Variants in SMG6 observed in about 807,000 individuals in gnomAD.
SMG6 encodes the protein SMG6 nonsense mediated mRNA decay factor.
Under a neutral mutation model 142.2 loss-of-function variants are expected in SMG6, and 66 were observed. That is an observed-to-expected ratio of 0.46 (90% confidence interval 0.38 to 0.57). SMG6 has a LOEUF of 0.57. Among genes scored for constraint, SMG6 ranks in the 20% least tolerant of loss-of-function variants. The pLI is 0.00. For synonymous variants in SMG6, 779 were observed against 702.4 expected, an observed-to-expected ratio of 1.11 and a Z score of -1.72; for missense variants, 1,793 against 1,832.0, an observed-to-expected ratio of 0.98 and a Z score of 0.39.
chr17:2,184,858 G>C (rs921585303), intron 12 of SMG6, among the ~76,000 whole-genome samples: 3 of 149,248 alleles, frequency 2.0e-5, no homozygotes, highest in Non-Finnish European at 4.4e-5. Context: ...CCAGCTACTC[G>C]GGAGGCTGAG....
chr17:2,116,327 C>T lies in SMG6; in HGVS notation c.3358-30426G>A, dbSNP rs537338955. On this transcript the variant is annotated intron_variant, in intron 13 of 18. Coordinates refer to ENST00000263073, the MANE Select transcript of SMG6 (RefSeq NM_017575.5). Reference sequence around the variant, plus strand: ...CTCCTGGCCTCAAGGGATCCTCCCGCCTCGGCCTTCCAAAGTGTTGAGATT... The same window carrying T: ...CTCCTGGCCTCAAGGGATCCTCCCGTCTCGGCCTTCCAAAGTGTTGAGATT... 3.9e-4 allele frequency among the ~76,000 whole-genome samples: 60 copies of T among 152,260 alleles called. 1 individual carries two copies. Among genetic ancestry groups the T allele is most frequent in the South Asian group, 1.5e-3 (7 of 4,826 alleles).
chr17:2,184,917 T>G (rs1016554294), intron 12 of SMG6, among the ~76,000 whole-genome samples: 1 of 120,172 alleles, frequency 8.3e-6, no homozygotes, highest in Admixed American at 1.2e-4. Context: ...GCCAAGATTA[T>G]GCCACTGCAC....
At chr17:2,183,786 A>T (rs997450994) in intron 12 of SMG6, among the ~76,000 whole-genome samples, 1 of 122,094 alleles carries the variant, frequency 8.2e-6, no homozygotes, top group Non-Finnish European at 1.7e-5. Flanking sequence ...ACACACACAC[A>T]CACACAGCAG....
intron 13 of SMG6, among the ~76,000 whole-genome samples, chr17:2,131,847 G>A (rs1404410654): frequency 3.3e-5 from 5 of 152,028 alleles, no homozygotes; most frequent in Admixed American, 6.6e-5. Context: ...CAAGGCAGGC[G>A]GACCACTTGA....
At chr17:2,201,826 C>T (rs2072533951) in intron 10 of SMG6, among the ~76,000 whole-genome samples, 1 of 152,042 alleles carries the variant, frequency 6.6e-6, no homozygotes, top group African/African-American at 2.4e-5. Context: ...GAGTTCGAGA[C>T]TAGCCTGGCA....
chr17:2,227,267 C>T (rs1266901366), intron 10 of SMG6, among the ~76,000 whole-genome samples: 1 of 152,182 alleles, frequency 6.6e-6, no homozygotes, highest in African/African-American at 2.4e-5. Context: ...AAAATACTTG[C>T]ATATAAATGT....
At chr17:2,165,752 A>G (rs933999593) in intron 13 of SMG6, among the ~76,000 whole-genome samples, 2 of 152,126 alleles carry the variant, frequency 1.3e-5, no homozygotes, top group Admixed American at 1.3e-4. Context: ...AAAAGTAAAA[A>G]TAATTAGCCA....
At chr17:2,185,661 G>A (rs141521575) in intron 12 of SMG6, among the ~76,000 whole-genome samples, 106 of 152,200 alleles carry the variant, frequency 7.0e-4, no homozygotes, top group African/African-American at 2.5e-3. Context: ...CAGAGACAGG[G>A]GGCGAGGGCA....
In SMG6 at chr17:2,194,973, G is replaced by A. The variant is rs987835369; in HGVS notation, c.2870-6458C>T. 3.3e-5 allele frequency among the ~76,000 whole-genome samples: 5 copies of A among 152,288 alleles called. No individual in the cohort carries two copies. The South Asian group carries it at 6.2e-4, about 19-fold the overall frequency. ...CAGGCTCCCTCCCTCTTGGCTCTGG[G>A]CCAAGTCCTGTCTTTCCAGAACAAA... On this transcript the variant is annotated intron_variant, in intron 10 of 18. Coordinates refer to ENST00000263073, the MANE Select transcript of SMG6 (RefSeq NM_017575.5).
chr17:2,214,917 G>A (rs1036090629), intron 10 of SMG6, among the ~76,000 whole-genome samples: 10 of 152,134 alleles, frequency 6.6e-5, no homozygotes, highest in African/African-American at 2.4e-4. Flanking sequence ...AGGGGTCTGT[G>A]GTTACTTTCT....
chr17:2,232,028 G>A (rs1348361511), intron 10 of SMG6, among the ~76,000 whole-genome samples: 3 of 151,810 alleles, frequency 2.0e-5, no homozygotes, highest in Admixed American at 6.6e-5. Flanking sequence ...TGTGCCTGAA[G>A]TGGTTTTGAT....
At chr17:2,254,171 G>A (rs1237864752) in intron 8 of SMG6, among the ~76,000 whole-genome samples, 1 of 152,154 alleles carries the variant, frequency 6.6e-6, no homozygotes, top group Admixed American at 6.5e-5. Flanking sequence ...TCTCATGCCT[G>A]GGAACTCTCA....
intron 13 of SMG6, among the ~76,000 whole-genome samples, chr17:2,094,151 T>A (rs1007657328): frequency 6.6e-6 from 1 of 152,188 alleles, no homozygotes; most frequent in African/African-American, 2.4e-5. Context: ...AATTGCCTTG[T>A]CCATGAGGTC....
chr17:2,297,286 T>C lies in SMG6; in HGVS notation c.2108A>G (p.Tyr703Cys), dbSNP rs1466665678. ...GCTGCGAATGGCAAGACCATCCATG[T>C]AGTCTTCCAGTTTGAACTTGTAAGT... ...QVTYKFKLED[Y>C]MDGLAIRSKP... Residue 703 changes from tyrosine to cysteine, a missense_variant, in exon 4 of 19, where the codon TAC (tyrosine) becomes TGC (cysteine). This residue lies in a region of SMG6 where 1,597 missense variants were observed against 1,584.6 expected (regional missense o/e 1.01). Coordinates refer to ENST00000263073, the MANE Select transcript of SMG6 (RefSeq NM_017575.5). The C allele has an allele frequency of 1.2e-6, 2 of 1,613,692 alleles. No homozygotes were observed. The highest frequency in any genetic ancestry group is 1.1e-5 in the South Asian group (1 of 90,990).
chr17:2,173,002 T>C, intron 12 of SMG6, 143 bp from the exon 13 acceptor site: 2 of 768,450 alleles, frequency 2.6e-6, no homozygotes, highest in South Asian at 1.7e-5. Flanking sequence ...CCAAAAATGC[T>C]AGGAAACAAA....
At chr17:2,218,121 CACAG>C (rs1383395855) in intron 10 of SMG6, among the ~76,000 whole-genome samples, 1 of 152,134 alleles carries the variant, frequency 6.6e-6, no homozygotes, top group Non-Finnish European at 1.5e-5. Flanking sequence ...CCTGAGCCCC[CACAG>C]ACAGCCTACT....
intron 13 of SMG6, among the ~76,000 whole-genome samples, chr17:2,130,649 T>C (rs1363107981): frequency 3.3e-5 from 5 of 152,038 alleles, no homozygotes; most frequent in African/African-American, 1.2e-4. Context: ...TATGTTGGTA[T>C]ATATTCTTTA....
intron 13 of SMG6, chr17:2,088,898 G>A (rs2232478): frequency 2.1e-6 from 2 of 931,784 alleles, no homozygotes; most frequent in East Asian, 1.2e-4. Context: ...GAGTTCTGTA[G>A]GAGACTTACG....
At chr17:2,065,347 G>C (rs1448060829) in intron 17 of SMG6, 121 bp downstream of exon 17, 2 of 1,052,928 alleles carry the variant, frequency 1.9e-6, no homozygotes, top group Non-Finnish European at 2.8e-6. Flanking sequence ...CCCCCACCTG[G>C]GCCTCCATGG....
Sources: gnomAD v4.1 joint callset for allele counts (sites outside exome capture counted in the v4.1 genomes callset) on GRCh38, gnomAD v4.1.1 for gene constraint, gnomAD v4.1.1 regional missense constraint, MANE v1.5 for transcripts, NCBI Gene and HGNC (gene_info 2026-07-23, HGNC 2026-07-21) for gene names.